Variants in PCNT observed in about 807,000 individuals in gnomAD.
The protein encoded by PCNT is kendrin.
Under a neutral mutation model 380.4 loss-of-function variants are expected in PCNT, and 319 were observed. The observed-to-expected ratio is 0.84, with a 90% CI of 0.77 to 0.92. The LOEUF is 0.92. Ranked by LOEUF, PCNT falls within the 40% of genes least tolerant of loss-of-function variation. PCNT has a pLI of 0.00. For missense variants in PCNT, 4,400 were observed against 4,255.3 expected, an observed-to-expected ratio of 1.03 and a Z score of -0.95; for synonymous variants, 1,845 against 1,735.2, an observed-to-expected ratio of 1.06 and a Z score of -1.57.
chr21:46,441,912 G>A lies in PCNT; in HGVS notation c.9624-585G>A, dbSNP rs1601221586. Among the ~76,000 whole-genome samples, 9 of 152,286 alleles carry A rather than the reference G, an allele frequency of 5.9e-5. No individual in the cohort carries two copies. In the South Asian group the frequency reaches 1.9e-3, roughly 32 times the overall value. ...GACAGGTCTTATGGAGGAATCGGCA[G>A]TGTCTGCTATGCCTCAAAGGAGGGA... On this transcript the variant is annotated intron_variant, in intron 43 of 46. Transcript: ENST00000359568.
At chr21:46,370,679 G>C (rs1161818897) in intron 15 of PCNT, among the ~76,000 whole-genome samples, 1 of 152,174 alleles carries the variant, frequency 6.6e-6, no homozygotes, top group African/African-American at 2.4e-5. Context: ...GCCACAGTGG[G>C]ATGATCTCTT....
In PCNT at chr21:46,385,929, G is replaced by A. The variant is rs2085815461; in HGVS notation, c.3410G>A (p.Gly1137Asp). 1 of 1,614,196 alleles carries A rather than the reference G, an allele frequency of 6.2e-7. No individual in the cohort carries two copies. The highest frequency in any genetic ancestry group is 8.5e-7 in the Non-Finnish European group (1 of 1,180,040). The stretch of plus-strand genomic sequence containing the variant: ...AGGCGGGAGCGGGAGAACCGGGAAG[G>A]CGCAAACCTCCTCTCCATGCTCAAG... ...QQRRERENREGANLLSMLKAD... is the reference protein window; with the variant it reads ...QQRRERENREDANLLSMLKAD... The change falls in exon 17 of 47, where the codon GGC becomes GAC. Residue 1137 changes from glycine to aspartate, a missense_variant. Transcript: ENST00000359568.
rs182793257 is a variant in PCNT at position 46,405,462 on chromosome 21, C to G, written c.5115+2979C>G. 5.3e-5 allele frequency among the ~76,000 whole-genome samples: 8 copies of G among 152,290 alleles called. No homozygotes were observed. In the East Asian group the frequency reaches 1.5e-3, roughly 29 times the overall value. On this transcript the variant is annotated intron_variant, in intron 27 of 46. Transcript: ENST00000359568. ...CCTGTAATCCCAGCACTTTGGGAGG[C>G]CCAGGCGGGCAGATCACTTGAGCTC...
chr21:46,432,142 G>A lies in PCNT; in HGVS notation c.8678G>A (p.Arg2893Lys). 1 of 1,613,954 alleles carries A rather than the reference G, an allele frequency of 6.2e-7. No homozygotes were observed. The highest frequency in any genetic ancestry group is 8.5e-7 in the Non-Finnish European group (1 of 1,180,020). Residue 2893 changes from arginine to lysine, a missense_variant, in exon 38 of 47, where the codon AGG becomes AAG. Physicochemically the swap from Arg to Lys is conservative, Grantham distance 26 (BLOSUM62 2). Transcript: ENST00000359568. Reference sequence around the variant, plus strand: ...CAAGAAGGACGCAAGGCTGCGAGGAGGAGCGCGGAGGCCAGGCAGAGCCCA... The same window carrying A: ...CAAGAAGGACGCAAGGCTGCGAGGAAGAGCGCGGAGGCCAGGCAGAGCCCA... ...KEQEGRKAARRSAEARQSPAA... is the reference protein window; with the variant it reads ...KEQEGRKAARKSAEARQSPAA...
chr21:46,416,863 G>A (rs201717879), intron 30 of PCNT, 24 bp downstream of exon 30: 24 of 1,596,114 alleles, frequency 1.5e-5, no homozygotes, highest in Non-Finnish European at 2.0e-5. Flanking sequence ...CTGCTCCCAG[G>A]CCTGCTGTTC....
chr21:46,352,367 T>G (rs1199098105), intron 9 of PCNT, among the ~76,000 whole-genome samples: 1 of 151,918 alleles, frequency 6.6e-6, no homozygotes, highest in East Asian at 1.9e-4. Flanking sequence ...CCTCTGGGGG[T>G]CTGTCTGTCG....
chr21:46,355,805 G>A (rs1432188761), intron 12 of PCNT, among the ~76,000 whole-genome samples, 179 bp downstream of exon 12: 2 of 152,222 alleles, frequency 1.3e-5, no homozygotes, highest in Non-Finnish European at 2.9e-5. Flanking sequence ...GGCGTTAGAG[G>A]CGGGGTCACT....
Position 46,416,198 on chromosome 21 carries a change from A to C in PCNT, c.6280A>C (p.Thr2094Pro), listed in dbSNP as rs1487072189. Reference protein sequence around the residue: ...MTFQNVDAADTKSLWPMASAH... With the variant: ...MTFQNVDAADPKSLWPMASAH... ...CTTCCAGAATGTGGATGCTGCCGAC[A>C]CCAAATCTCTGTGGCCCATGGCCTC... is the stretch of plus-strand genomic sequence containing the variant. The change falls in exon 30 of 47, where the codon ACC becomes CCC. Residue 2094 changes from threonine (T) to proline (P), a missense_variant. Transcript: ENST00000359568. 12 of 1,614,096 alleles carry C rather than the reference A, an allele frequency of 7.4e-6. No homozygotes were observed. Among genetic ancestry groups the C allele is most frequent in the Non-Finnish European group, 9.3e-6 (11 of 1,180,044 alleles).
chr21:46,392,206 T>G (rs1484056372), intron 21 of PCNT, among the ~76,000 whole-genome samples: 1 of 152,132 alleles, frequency 6.6e-6, no homozygotes, highest in East Asian at 1.9e-4. Flanking sequence ...GATTCCTTGT[T>G]CCTATGGTTT....
chr21:46,442,311 G>A (rs1000262420), intron 43 of PCNT, among the ~76,000 whole-genome samples, 186 bp from the exon 44 acceptor site: 23 of 152,054 alleles, frequency 1.5e-4, no homozygotes, highest in African/African-American at 5.3e-4. Flanking sequence ...GCAGCCCTGC[G>A]AGCACTTTGG....
Position 46,432,175 on chromosome 21 carries a change from C to T in PCNT, c.8711C>T (p.Ala2904Val), listed in dbSNP as rs2087795393. The change falls in exon 38 of 47, where the codon GCG (alanine) becomes GTG (valine). Residue 2904 changes from alanine (A) to valine (V), a missense_variant. By Grantham distance (64) the Ala-to-Val change is moderately conservative. Coordinates refer to ENST00000359568, the MANE Select transcript of PCNT (RefSeq NM_006031.6). ...SAEARQSPAAAEQWRKWQRDK... is the reference protein window; with the variant it reads ...SAEARQSPAAVEQWRKWQRDK... ...GAGGCCAGGCAGAGCCCAGCGGCTGCGGAGCAGTGGAGGAAGTGGCAGAGA... is the reference window on the plus strand; with the variant it reads ...GAGGCCAGGCAGAGCCCAGCGGCTGTGGAGCAGTGGAGGAAGTGGCAGAGA... The T allele has an allele frequency of 9.9e-6, 16 of 1,612,908 alleles. No homozygotes were observed. Among genetic ancestry groups the T allele is most frequent in the Middle Eastern group, 1.8e-4 (1 of 5,630 alleles).
At chr21:46,383,236 T>A (rs186975403) in intron 16 of PCNT, among the ~76,000 whole-genome samples, 1 of 146,604 alleles carries the variant, frequency 6.8e-6, no homozygotes, top group Admixed American at 6.9e-5. Context: ...GGAAGCGCAT[T>A]CACAGTGTTG....
Position 46,430,406 on chromosome 21 carries a change from G to C in PCNT, c.7914-101G>C, listed in dbSNP as rs1482815763. 4.1e-6 allele frequency: 6 copies of C among 1,478,090 alleles called. No homozygotes were observed. The African/African-American group carries it at 8.4e-5, about 21-fold the overall frequency. The allele number at this position is 1,478,090 out of a possible 1,614,324, so 91.6% of individuals were successfully genotyped here. ...CTGTGGTGGGGGGTGAAGCACACGT[G>C]TGGGACCTGGCAGGGCTCTGCCTCC... On this transcript the variant is annotated intron_variant, in intron 36 of 46. Transcript: ENST00000359568.
intron 35 of PCNT, among the ~76,000 whole-genome samples, chr21:46,429,447 A>C (rs2076744346): frequency 1.9e-5 from 2 of 105,698 alleles, no homozygotes; most frequent in Non-Finnish European, 4.0e-5. Flanking sequence ...CGTGAGGGGC[A>C]CAGGGGGGCC....
intron 2 of PCNT, among the ~76,000 whole-genome samples, chr21:46,327,882 C>T (rs1569155116): frequency 6.6e-6 from 1 of 152,170 alleles, no homozygotes; most frequent in Non-Finnish European, 1.5e-5. Context: ...TGCAGGGGCA[C>T]CCCCATGGGC....
At chr21:46,367,467 G>A (rs765168021) in intron 15 of PCNT, among the ~76,000 whole-genome samples, 7 of 151,914 alleles carry the variant, frequency 4.6e-5, no homozygotes, top group Non-Finnish European at 5.9e-5. Context: ...GCCACCATGC[G>A]CGGCTAATTT....
chr21:46,387,991 A>G (rs2085898907), intron 17 of PCNT, among the ~76,000 whole-genome samples: 1 of 152,006 alleles, frequency 6.6e-6, no homozygotes, highest in Non-Finnish European at 1.5e-5. Context: ...CGGGTGGATC[A>G]TGAGGTCAGG....
At chr21:46,428,992 A>G (rs2087627763) in intron 35 of PCNT, among the ~76,000 whole-genome samples, 1 of 152,168 alleles carries the variant, frequency 6.6e-6, no homozygotes, top group Non-Finnish European at 1.5e-5. Context: ...GTGTTCTCTC[A>G]CGTGCTGTGC....
intron 1 of PCNT, among the ~76,000 whole-genome samples, chr21:46,325,538 G>GT (rs2083359784): frequency 6.6e-6 from 1 of 152,244 alleles, no homozygotes; most frequent in Non-Finnish European, 1.5e-5. Flanking sequence ...ATTTCCTTGA[G>GT]AGACCATTTT....
Sources: gnomAD v4.1 joint callset for allele counts (sites outside exome capture counted in the v4.1 genomes callset) on GRCh38, gnomAD v4.1.1 for gene constraint, MANE v1.5 for transcripts, NCBI Gene and HGNC (gene_info 2026-07-23, HGNC 2026-07-21) for gene names.